Variants in LRP1B observed in about 807,000 individuals in gnomAD.
LRP1B encodes LDL receptor related protein 1B.
In LRP1B, 217 loss-of-function variants were observed where a neutral mutation model predicts 556.6. The observed-to-expected ratio is 0.39, with a 90% CI of 0.35 to 0.44. The LOEUF is 0.44. Among genes scored for constraint, LRP1B ranks in the 20% least tolerant of loss-of-function variants. The pLI is 1.00. For synonymous variants in LRP1B, 2,047 were observed against 1,865.8 expected (o/e 1.10, Z -2.50); for missense variants, 5,053 against 5,620.8 (o/e 0.90, Z 3.23).
chr2:140,275,600 G>A (rs1473990420), intron 84 of LRP1B, among the ~76,000 whole-genome samples: 1 of 151,962 alleles, frequency 6.6e-6, no homozygotes, highest in South Asian at 2.1e-4. Context: ...GCCTGAGCAG[G>A]TGAGCAAACA....
rs539837857 is a variant in LRP1B at position 141,017,295 on chromosome 2, TGATA to T, written c.1971-1384_1971-1381del. Among the ~76,000 whole-genome samples, 49 of 152,150 alleles carry T rather than the reference TGATA, an allele frequency of 3.2e-4. 1 individual carries two copies. Among genetic ancestry groups the T allele is most frequent in the African/African-American group, 1.2e-3 (48 of 41,536 alleles). ...AAATATGCAATCTTTTCATCTCTAT[TGATA>T]TTTTCCTGAAATTTTCTTATATACA... On this transcript the variant is annotated intron_variant, in intron 12 of 90. Transcript: ENST00000389484.
At chr2:140,634,482 T>A (rs1684003100) in intron 41 of LRP1B, among the ~76,000 whole-genome samples, 1 of 152,156 alleles carries the variant, frequency 6.6e-6, no homozygotes, top group Non-Finnish European at 1.5e-5. Context: ...GCATAACTCC[T>A]TACTCCTTAG....
At chr2:140,233,460 T>G in intron 90 of LRP1B, 134 bp from the exon 91 acceptor site, 1 of 539,216 alleles carries the variant, frequency 1.9e-6, no homozygotes, top group South Asian at 4.1e-5. Flanking sequence ...ATAGTAATGA[T>G]TTAAAGGTTA....
At chr2:141,633,755 T>C (rs1337460586) in intron 2 of LRP1B, among the ~76,000 whole-genome samples, 1 of 149,120 alleles carries the variant, frequency 6.7e-6, no homozygotes, top group Non-Finnish European at 1.5e-5. Flanking sequence ...TCATTAAACA[T>C]ATACTTATTT....
At position 141,786,880 on chromosome 2, in the gene LRP1B, C is replaced by T. The variant is rs574378342; in HGVS notation, c.205+23399G>A. On this transcript the variant is annotated intron_variant, in intron 2 of 90. Transcript: ENST00000389484. ...TGTTGAATTTTGCCAAATGCCTTCG[C>T]TGCATACATTGAGATGACTATATAG... 2.0e-5 allele frequency among the ~76,000 whole-genome samples: 3 copies of T among 152,068 alleles called. No individual in the cohort carries two copies. The East Asian group carries it at 5.8e-4, about 29-fold the overall frequency.
intron 66 of LRP1B, among the ~76,000 whole-genome samples, chr2:140,416,330 TAATA>T (rs1685200184): frequency 6.6e-6 from 1 of 152,104 alleles, no homozygotes; most frequent in African/African-American, 2.4e-5. Flanking sequence ...CATTAGCAGA[TAATA>T]AATCAATTGT....
At chr2:141,998,735 C>T (rs906246544) in intron 1 of LRP1B, among the ~76,000 whole-genome samples, 1 of 152,176 alleles carries the variant, frequency 6.6e-6, no homozygotes, top group Non-Finnish European at 1.5e-5. Flanking sequence ...GTGGGACAAC[C>T]TGAAGGTCGT....
chr2:141,427,894 G>A (rs1465740051), intron 3 of LRP1B, among the ~76,000 whole-genome samples: 1 of 152,090 alleles, frequency 6.6e-6, no homozygotes, highest in African/African-American at 2.4e-5. Flanking sequence ...GAGTCAAGAT[G>A]GAAGCCGTCA....
intron 3 of LRP1B, among the ~76,000 whole-genome samples, chr2:141,374,202 C>A (rs1689343950): frequency 6.6e-6 from 1 of 152,104 alleles, no homozygotes; most frequent in African/African-American, 2.4e-5. Context: ...ATATGCCATC[C>A]CATTCTCTAA....
chr2:142,127,084 C>T (rs1412950851), intron 1 of LRP1B, among the ~76,000 whole-genome samples: 1 of 151,852 alleles, frequency 6.6e-6, no homozygotes, highest in Non-Finnish European at 1.5e-5. Context: ...AAGAAAATTT[C>T]CTTTACCTTC....
Position 141,754,843 on chromosome 2 carries a change from G to T in LRP1B, c.205+55436C>A, listed in dbSNP as rs561388627. Reference sequence around the variant, plus strand: ...TATGAAATCATATATCTTGACAGATGATATGATAAATATTCTAGGAGGTGT... The same window carrying T: ...TATGAAATCATATATCTTGACAGATTATATGATAAATATTCTAGGAGGTGT... On this transcript the variant is annotated intron_variant, in intron 2 of 90. Transcript: ENST00000389484. Among the ~76,000 whole-genome samples the T allele has an allele frequency of 6.6e-5, 10 of 152,244 alleles. No individual in the cohort carries two copies. The South Asian group carries it at 1.9e-3, about 28-fold the overall frequency.
chr2:140,679,825 AG>A (rs1235574648), intron 41 of LRP1B, among the ~76,000 whole-genome samples: 9 of 152,182 alleles, frequency 5.9e-5, no homozygotes, highest in African/African-American at 2.2e-4. Context: ...TCCAACACAC[AG>A]CCTGTGGGCC....
At chr2:141,368,235 T>C (rs916225058) in intron 3 of LRP1B, among the ~76,000 whole-genome samples, 3 of 152,204 alleles carry the variant, frequency 2.0e-5, no homozygotes, top group Non-Finnish European at 4.4e-5. Flanking sequence ...AGGTCTCCTG[T>C]TTATAGTCTG....
Position 141,228,973 on chromosome 2 carries a change from C to T in LRP1B, c.850+210G>A, listed in dbSNP as rs185422324. ...AAAGAAATAATTACAATTAACTCTG[C>T]AATTTATGACTTATTTAAATAGAGA... On this transcript the variant is annotated intron_variant, in intron 6 of 90. Coordinates refer to ENST00000389484, the MANE Select transcript of LRP1B (RefSeq NM_018557.3). Among the ~76,000 whole-genome samples the T allele has an allele frequency of 4.6e-5, 7 of 152,088 alleles. 1 individual carries two copies. In the East Asian group the frequency reaches 1.4e-3, roughly 29 times the overall value.
At chr2:140,270,570 G>T (rs1196973068) in intron 85 of LRP1B, among the ~76,000 whole-genome samples, 1 of 151,810 alleles carries the variant, frequency 6.6e-6, no homozygotes, top group Non-Finnish European at 1.5e-5. Context: ...TTTTCAACCA[G>T]TTCATTTAAT....
At chr2:141,063,423 G>A (rs1699394094) in intron 7 of LRP1B, among the ~76,000 whole-genome samples, 1 of 151,792 alleles carries the variant, frequency 6.6e-6, no homozygotes, top group African/African-American at 2.4e-5. Flanking sequence ...AATAGTACAA[G>A]CTAGATTTTA....
rs1487070317 is a variant in LRP1B at position 141,062,292 on chromosome 2, A to T, written c.1014-19T>A. ...AAGTTTTCTGTTGAAAGAAAACTAA[A>T]TGTTAAAGTGGAGGGTGGGGGAGGG... is the stretch of plus-strand genomic sequence containing the variant. On this transcript the variant is annotated intron_variant, in intron 7 of 90. Coordinates refer to ENST00000389484, the MANE Select transcript of LRP1B (RefSeq NM_018557.3). 1 of 1,562,480 alleles carries T rather than the reference A, an allele frequency of 6.4e-7. No homozygotes were observed. Among genetic ancestry groups the T allele is most frequent in the Non-Finnish European group, 8.8e-7 (1 of 1,142,084 alleles).
intron 66 of LRP1B, among the ~76,000 whole-genome samples, chr2:140,436,994 C>T (rs1432217264): frequency 6.6e-6 from 1 of 152,130 alleles, no homozygotes; most frequent in Non-Finnish European, 1.5e-5. Flanking sequence ...GTATTCCTGG[C>T]TCCTCACAGG....
chr2:141,504,304 AT>A (rs1372480416), intron 2 of LRP1B, among the ~76,000 whole-genome samples: 9 of 152,146 alleles, frequency 5.9e-5, no homozygotes, highest in Non-Finnish European at 1.2e-4. Context: ...GGGATGAAAA[AT>A]ATTAAGTAAT....
Sources: allele counts gnomAD v4.1 joint callset (sites outside exome capture counted in the v4.1 genomes callset), GRCh38; gene constraint gnomAD v4.1.1; transcripts MANE v1.5; gene names NCBI Gene and HGNC (gene_info 2026-07-23, HGNC 2026-07-21).